The following DCUN1D4 variants were observed in gnomAD, a reference collection of about 807,000 sequenced individuals.
DCUN1D4 encodes defective in cullin neddylation 1 domain containing 4.
Under a neutral mutation model 47.9 loss-of-function variants are expected in DCUN1D4, and 22 were observed. The observed-to-expected ratio is 0.46, with a 90% CI of 0.33 to 0.66. The LOEUF (loss-of-function observed/expected upper bound fraction) is 0.66. Among genes scored for constraint, DCUN1D4 ranks in the 30% least tolerant of loss-of-function variants. The probability of loss-of-function intolerance (pLI) is 0.02; values close to 1 mark genes in which losing one functional copy is unlikely to be tolerated. For synonymous variants in DCUN1D4, 121 were observed against 112.2 expected (o/e 1.08, Z -0.50); for missense variants, 301 against 340.8 (o/e 0.88, Z 0.92).
intron 1 of DCUN1D4, chr4:51,843,564 G>A: frequency 3.9e-6 from 5 of 1,272,942 alleles, no homozygotes; most frequent in Non-Finnish European, 4.9e-6. Flanking sequence ...ATGAAGGGCC[G>A]AGATCGGAGT....
At chr4:51,836,494 C>G in the DCUN1D4 span, among the ~76,000 whole-genome samples, 1 of 152,162 alleles carries the variant, frequency 6.6e-6, no homozygotes, top group African/African-American at 2.4e-5. Context: ...ATAGATTTTT[C>G]TTCAGTGCTT....
At chr4:51,886,345 A>G (rs770905120) in intron 5 of DCUN1D4, among the ~76,000 whole-genome samples, 7 of 152,218 alleles carry the variant, frequency 4.6e-5, no homozygotes, top group African/African-American at 9.6e-5. Flanking sequence ...CCATATTCCA[A>G]CGATTGAAGG....
At chr4:51,842,856 G>A (rs1721812820), upstream of DCUN1D4, 2 of 252,180 alleles carry the variant, frequency 7.9e-6, no homozygotes, top group Middle Eastern at 1.3e-3. Context: ...GGTCAAGGTG[G>A]ACCAATTTCC....
chr4:51,880,517 C>T (rs1008273571), intron 5 of DCUN1D4, among the ~76,000 whole-genome samples: 2 of 152,182 alleles, frequency 1.3e-5, no homozygotes, highest in Non-Finnish European at 2.9e-5. Flanking sequence ...CTCTGCTTTC[C>T]GTGGCTCCTG....
In DCUN1D4 at chr4:51,887,204, G is replaced by A. The variant is rs762042539; in HGVS notation, c.414+566G>A. Reference sequence around the variant, plus strand: ...CAACCTCTGCCTCCCGGGTTGAAGCGATTTCCCCTGCCTCAGCCTCCTGAG... The same window carrying A: ...CAACCTCTGCCTCCCGGGTTGAAGCAATTTCCCCTGCCTCAGCCTCCTGAG... On this transcript the variant is annotated intron_variant, in intron 6 of 10. Transcript: ENST00000334635. 10 of 421,280 alleles carry A rather than the reference G, an allele frequency of 2.4e-5. 1 individual carries two copies. Among genetic ancestry groups the A allele is most frequent in the South Asian group, 1.4e-4 (8 of 57,796 alleles). 26.1% of individuals were successfully genotyped at this position (421,280 alleles called of 1,614,324 possible). A position where few individuals can be genotyped will look rare whatever the true frequency, so the allele number is the denominator to read the frequency against.
intron 1 of DCUN1D4, chr4:51,844,367 G>A (rs1171219285): frequency 1.0e-6 from 1 of 984,910 alleles, no homozygotes; most frequent in African/African-American, 1.8e-5. Context: ...GGTTGGAACT[G>A]GCCGTGGTTC....
At chr4:51,902,551 A>C (rs2110108197) in intron 8 of DCUN1D4, among the ~76,000 whole-genome samples, 1 of 152,338 alleles carries the variant, frequency 6.6e-6, no homozygotes, top group African/African-American at 2.4e-5. Flanking sequence ...TCCAATACAA[A>C]TGTATTCACT....
At chr4:51,873,613 A>C (rs187858522) in intron 3 of DCUN1D4, among the ~76,000 whole-genome samples, 1 of 152,384 alleles carries the variant, frequency 6.6e-6, no homozygotes, top group East Asian at 1.9e-4. Context: ...GTAAGACCTC[A>C]GTAAGTGTTC....
chr4:51,895,053 A>G (rs1029451563), intron 7 of DCUN1D4, among the ~76,000 whole-genome samples: 20 of 152,046 alleles, frequency 1.3e-4, no homozygotes, highest in African/African-American at 4.6e-4. Flanking sequence ...AACTAATCTC[A>G]TTCAGGAGGA....
chr4:51,886,530 A>C (rs745919969), intron 5 of DCUN1D4, 38 bp from the exon 6 acceptor site: 8 of 1,575,192 alleles, frequency 5.1e-6, no homozygotes, highest in Non-Finnish European at 5.2e-6. Context: ...TATGGTGTGC[A>C]TGGTCAGATT....
chr4:51,841,696 C>G (rs1425053396), upstream of DCUN1D4, among the ~76,000 whole-genome samples: 2 of 151,888 alleles, frequency 1.3e-5, no homozygotes, highest in Middle Eastern at 3.2e-3. Context: ...AGCATTTTAC[C>G]ATGGGAGTGC....
chr4:51,860,945 C>G (rs896956469), intron 1 of DCUN1D4, among the ~76,000 whole-genome samples: 3 of 152,084 alleles, frequency 2.0e-5, no homozygotes, highest in African/African-American at 7.2e-5. Flanking sequence ...AGAATTGAAC[C>G]TAGGAAAAGT....
intron 5 of DCUN1D4, among the ~76,000 whole-genome samples, chr4:51,883,758 A>G (rs1411322030): frequency 1.3e-5 from 2 of 152,212 alleles, no homozygotes; most frequent in Non-Finnish European, 2.9e-5. Flanking sequence ...TGCATATACA[A>G]TTCTATAGAT....
intron 1 of DCUN1D4, among the ~76,000 whole-genome samples, chr4:51,853,689 T>C (rs1577851045): frequency 6.6e-6 from 1 of 152,202 alleles, no homozygotes; most frequent in Admixed American, 6.5e-5. Flanking sequence ...TGATCTGGAT[T>C]GGGGCCCTGG....
chr4:51,848,370 C>G, intron 1 of DCUN1D4: 1 of 1,245,196 alleles, frequency 8.0e-7, no homozygotes, highest in Non-Finnish European at 1.0e-6. Flanking sequence ...ATTAACAGGT[C>G]TGATGTTAAG....
chr4:51,854,450 C>T (rs1378831798), intron 1 of DCUN1D4, among the ~76,000 whole-genome samples: 1 of 152,178 alleles, frequency 6.6e-6, no homozygotes, highest in African/African-American at 2.4e-5. Context: ...TGACCTGCCT[C>T]TTCACATTCT....
intron 3 of DCUN1D4, 76 bp from the exon 4 acceptor site, chr4:51,874,195 G>T (rs865936066): frequency 2.4e-6 from 2 of 848,560 alleles, no homozygotes; most frequent in Middle Eastern, 4.7e-4. Context: ...GTTTAAATTA[G>T]CAGTACTGTT....
chr4:51,838,999 C>CA (rs1355892274), upstream of DCUN1D4, among the ~76,000 whole-genome samples: 2 of 152,090 alleles, frequency 1.3e-5, no homozygotes, highest in Admixed American at 1.3e-4. Context: ...CACTTGAACC[C>CA]AGGAGGCAGA....
At chr4:51,860,716 T>C in intron 1 of DCUN1D4, 2 of 447,326 alleles carry the variant, frequency 4.5e-6, no homozygotes, top group Non-Finnish European at 8.9e-6. Flanking sequence ...AAGAACTCAC[T>C]CACTGTCTCA....
Sources: gnomAD v4.1 joint callset for allele counts (sites outside exome capture counted in the v4.1 genomes callset) on GRCh38, gnomAD v4.1.1 for gene constraint, MANE v1.5 for transcripts, NCBI Gene and HGNC (gene_info 2026-07-23, HGNC 2026-07-21) for gene names.